RANBP17: variants seen among roughly 807,000 people sequenced by gnomAD.
RANBP17 encodes RAN binding protein 17, also known as ran-binding protein 17.
In RANBP17, 158 loss-of-function variants were observed where a neutral mutation model predicts 141.2. The ratio of observed to expected loss-of-function variants is 1.12; its 90% CI spans 0.98 to 1.28. The LOEUF (loss-of-function observed/expected upper bound fraction) is 1.28. Ranked by LOEUF, RANBP17 falls within the 50% of genes most tolerant of loss-of-function variation. The probability of loss-of-function intolerance (pLI) is 0.00; values close to 1 mark genes in which losing one functional copy is unlikely to be tolerated. For synonymous variants in RANBP17, 430 were observed against 450.0 expected (o/e 0.96, Z 0.56); for missense variants, 1,438 against 1,290.7 (o/e 1.11, Z -1.75).
intron 14 of RANBP17, among the ~76,000 whole-genome samples, chr5:171,038,422 A>G (rs1487016033): frequency 6.6e-6 from 1 of 151,906 alleles, no homozygotes; most frequent in African/African-American, 2.4e-5. Context: ...TTCTTTTCCT[A>G]TTTGCATGCC....
At chr5:171,051,089 T>C (rs576484726) in intron 14 of RANBP17, among the ~76,000 whole-genome samples, 2 of 152,316 alleles carry the variant, frequency 1.3e-5, no homozygotes, top group African/African-American at 4.8e-5. Flanking sequence ...CTGTTTTTCT[T>C]GGGCTGCTTT....
intron 12 of RANBP17, among the ~76,000 whole-genome samples, chr5:170,949,778 A>G (rs777711636): frequency 2.6e-5 from 4 of 152,184 alleles, no homozygotes; most frequent in Non-Finnish European, 4.4e-5. Context: ...ACAAATGTTC[A>G]TAGCAGCATT....
chr5:170,978,112 T>C (rs1366012986), intron 14 of RANBP17, among the ~76,000 whole-genome samples: 1 of 152,158 alleles, frequency 6.6e-6, no homozygotes, highest in Admixed American at 6.5e-5. Context: ...AGGTGTTCAG[T>C]ATTATTAGTC....
intron 20 of RANBP17, chr5:171,206,142 GAA>G (rs76562650): frequency 0.047 from 6,662 of 143,114 alleles, 187 homozygotes; most frequent in East Asian, 0.13. Context: ...GTACAGACAG[GAA>G]AAAAAAAAAA....
At chr5:171,245,336 CAG>C (rs1405477296) in intron 24 of RANBP17, among the ~76,000 whole-genome samples, 2 of 152,050 alleles carry the variant, frequency 1.3e-5, no homozygotes. Flanking sequence ...TTTTTGGAGA[CAG>C]AGCTTCGCTC....
intron 14 of RANBP17, among the ~76,000 whole-genome samples, chr5:171,099,080 T>G (rs1786923951): frequency 6.6e-6 from 1 of 152,200 alleles, no homozygotes. Flanking sequence ...TGCTTAGGAT[T>G]GTCATGGCTA....
At chr5:171,088,091 A>G (rs904559734) in intron 14 of RANBP17, among the ~76,000 whole-genome samples, 13 of 151,912 alleles carry the variant, frequency 8.6e-5, no homozygotes, top group African/African-American at 1.9e-4. Context: ...ATGATTTTGC[A>G]GCGGCTGGTA....
At chr5:171,272,830 A>C (rs955826724) in intron 25 of RANBP17, among the ~76,000 whole-genome samples, 2 of 61,216 alleles carry the variant, frequency 3.3e-5, no homozygotes, top group Non-Finnish European at 6.1e-5. Flanking sequence ...AGCGGGCAAG[A>C]GAGAAGGAAG....
At chr5:171,026,746 TA>T (rs1781257800) in intron 14 of RANBP17, among the ~76,000 whole-genome samples, 1 of 123,192 alleles carries the variant, frequency 8.1e-6, no homozygotes, top group Non-Finnish European at 1.8e-5. Flanking sequence ...TAATTGCCAT[TA>T]ACAAGTTTTG....
intron 22 of RANBP17, among the ~76,000 whole-genome samples, chr5:171,226,741 G>A (rs1485424009): frequency 2.6e-5 from 4 of 152,148 alleles, no homozygotes; most frequent in Non-Finnish European, 5.9e-5. Context: ...AGACTTGTTC[G>A]TAAAAGCTAT....
At chr5:171,022,413 C>T (rs570086829) in intron 14 of RANBP17, among the ~76,000 whole-genome samples, 9 of 152,340 alleles carry the variant, frequency 5.9e-5, no homozygotes, top group East Asian at 1.9e-4. Flanking sequence ...TCTGCTGGTC[C>T]GCAAAGACTG....
chr5:171,186,387 T>G (rs1267313654), intron 18 of RANBP17, among the ~76,000 whole-genome samples: 2 of 152,252 alleles, frequency 1.3e-5, no homozygotes, highest in East Asian at 3.9e-4. Flanking sequence ...CATCTTTCCT[T>G]AAACCTCATG....
chr5:171,068,569 T>TTGTTG (rs1784441591), intron 14 of RANBP17, among the ~76,000 whole-genome samples: 2 of 148,926 alleles, frequency 1.3e-5, no homozygotes, highest in Non-Finnish European at 3.0e-5. Flanking sequence ...TTACTTTCCT[T>TTGTTG]TTGTTGTTGT....
intron 25 of RANBP17, among the ~76,000 whole-genome samples, chr5:171,277,647 A>ATATATATATATT (rs1767595331): frequency 6.1e-5 from 6 of 98,068 alleles, no homozygotes; most frequent in African/African-American, 2.0e-4. Context: ...GTATATATAT[A>ATATATATATATT]TATATATATA....
intron 14 of RANBP17, among the ~76,000 whole-genome samples, chr5:171,023,881 C>T (rs1007337110): frequency 5.9e-5 from 9 of 152,194 alleles, no homozygotes; most frequent in Non-Finnish European, 1.3e-4. Context: ...TCTAGTCCTT[C>T]ACTGGCTGTT....
chr5:171,165,904 T>C (rs1236753880), intron 14 of RANBP17, among the ~76,000 whole-genome samples: 1 of 152,176 alleles, frequency 6.6e-6, no homozygotes, highest in Non-Finnish European at 1.5e-5. Context: ...AATGACAACA[T>C]TTTACCAGTG....
intron 3 of RANBP17, among the ~76,000 whole-genome samples, chr5:170,887,323 G>T (rs555726779): frequency 6.6e-6 from 1 of 151,924 alleles, no homozygotes; most frequent in Non-Finnish European, 1.5e-5. Flanking sequence ...TCTTTCTTTC[G>T]TGGATTATGC....
In RANBP17 at chr5:170,862,055, A is replaced by G. The variant is rs775385557; in HGVS notation, c.18+4A>G. On this transcript the variant is annotated splice_donor_region_variant and intron_variant, in intron 1 of 27. Coordinates refer to ENST00000523189, the MANE Select transcript of RANBP17 (RefSeq NM_022897.5). Reference sequence around the variant, plus strand: ...GAAGATGGCGCTGCACTTCCAGGTCAGTGTGCTCTGCGCCGCGGGCCCGCG... The same window carrying G: ...GAAGATGGCGCTGCACTTCCAGGTCGGTGTGCTCTGCGCCGCGGGCCCGCG... The G allele has an allele frequency of 4.8e-6, 7 of 1,461,296 alleles. No homozygotes were observed. The South Asian group carries it at 9.2e-5, about 19-fold the overall frequency. 90.5% of individuals were successfully genotyped at this position (1,461,296 alleles called of 1,614,324 possible).
intron 5 of RANBP17, among the ~76,000 whole-genome samples, chr5:170,908,768 A>G (rs1157264651): frequency 6.6e-6 from 1 of 151,888 alleles, no homozygotes; most frequent in Non-Finnish European, 1.5e-5. Flanking sequence ...TTCATGTTTT[A>G]TAAGTAAATA....
Sources: gnomAD v4.1 joint callset for allele counts (sites outside exome capture counted in the v4.1 genomes callset) on GRCh38, gnomAD v4.1.1 for gene constraint, MANE v1.5 for transcripts, NCBI Gene and HGNC (gene_info 2026-07-23, HGNC 2026-07-21) for gene names.